The following DPP10 variants were observed in gnomAD, a reference collection of about 807,000 sequenced individuals.
The protein encoded by DPP10 is inactive dipeptidyl peptidase 10.
Under a neutral mutation model 120.9 loss-of-function variants are expected in DPP10, and 33 were observed. The observed-to-expected ratio is 0.27, with a 90% CI of 0.21 to 0.37. The LOEUF (loss-of-function observed/expected upper bound fraction) is 0.37. Ranked by LOEUF, DPP10 falls within the 10% of genes least tolerant of loss-of-function variation. The probability of loss-of-function intolerance (pLI) is 1.00; values close to 1 mark genes in which losing one functional copy is unlikely to be tolerated. For synonymous variants in DPP10, 337 were observed against 326.1 expected, an observed-to-expected ratio of 1.03 and a Z score of -0.36; for missense variants, 816 against 942.8, an observed-to-expected ratio of 0.87 and a Z score of 1.76.
At chr2:114,730,017 C>T (rs1159691607) in intron 1 of DPP10, among the ~76,000 whole-genome samples, 1 of 151,934 alleles carries the variant, frequency 6.6e-6, no homozygotes, top group Non-Finnish European at 1.5e-5. Context: ...TGCTGTGTGT[C>T]GTTCTATCAG....
intron 1 of DPP10, among the ~76,000 whole-genome samples, chr2:114,741,457 G>A (rs2105989004): frequency 6.6e-6 from 1 of 152,204 alleles, no homozygotes; most frequent in South Asian, 2.1e-4. Context: ...ATTCTTGGAG[G>A]AGAGTTCACT....
At chr2:114,598,366 A>G (rs980899292) in intron 1 of DPP10, among the ~76,000 whole-genome samples, 2 of 151,782 alleles carry the variant, frequency 1.3e-5, no homozygotes, top group African/African-American at 4.8e-5. Flanking sequence ...TTAGGTTGGG[A>G]AAGAGGATGG....
At chr2:114,525,721 GGAA>G (rs1350620708) in intron 1 of DPP10, among the ~76,000 whole-genome samples, 1 of 152,210 alleles carries the variant, frequency 6.6e-6, no homozygotes, top group African/African-American at 2.4e-5. Flanking sequence ...GTAAAATGAA[GGAA>G]GATGACTAAA....
chr2:114,631,026 T>C (rs1000017713), intron 1 of DPP10, among the ~76,000 whole-genome samples: 2 of 152,132 alleles, frequency 1.3e-5, no homozygotes, highest in Admixed American at 6.5e-5. Flanking sequence ...TTATTCTCAT[T>C]CAGGACAAAG....
chr2:114,695,341 G>A (rs574118902), intron 1 of DPP10, among the ~76,000 whole-genome samples: 5 of 152,184 alleles, frequency 3.3e-5, no homozygotes, highest in African/African-American at 1.2e-4. Context: ...CAAATGCCAT[G>A]CAGATCTAGA....
chr2:115,783,556 C>T (rs147229213), intron 17 of DPP10, among the ~76,000 whole-genome samples: 126 of 152,084 alleles, frequency 8.3e-4, no homozygotes, highest in Non-Finnish European at 1.5e-3. Context: ...AGTGCATGCC[C>T]GAGGCAACAA....
At chr2:115,272,439 C>A (rs1311562526) in intron 1 of DPP10, among the ~76,000 whole-genome samples, 1 of 152,030 alleles carries the variant, frequency 6.6e-6, no homozygotes, top group African/African-American at 2.4e-5. Flanking sequence ...ATAAATATAT[C>A]AAATATATTC....
At chr2:115,516,351 G>A (rs1165741240) in intron 4 of DPP10, among the ~76,000 whole-genome samples, 2 of 152,056 alleles carry the variant, frequency 1.3e-5, no homozygotes, top group Non-Finnish European at 2.9e-5. Flanking sequence ...CACCAGGGAT[G>A]TAAATCTAAA....
intron 5 of DPP10, among the ~76,000 whole-genome samples, chr2:115,662,862 A>G (rs1193556942): frequency 6.6e-6 from 1 of 152,236 alleles, no homozygotes; most frequent in Non-Finnish European, 1.5e-5. Flanking sequence ...TAATATATAT[A>G]GAAGTCAAGA....
intron 5 of DPP10, among the ~76,000 whole-genome samples, chr2:115,684,033 A>G (rs963875405): frequency 2.6e-5 from 4 of 151,924 alleles, no homozygotes; most frequent in Non-Finnish European, 5.9e-5. Flanking sequence ...TTAAGGTTAT[A>G]AATCTATCCA....
intron 19 of DPP10, among the ~76,000 whole-genome samples, chr2:115,796,060 G>A (rs554070903): frequency 2.6e-5 from 4 of 151,992 alleles, no homozygotes; most frequent in East Asian, 1.9e-4. Flanking sequence ...CTCACACTAC[G>A]TAACAGTCTT....
chr2:114,576,920 G>T (rs996358088), intron 1 of DPP10, among the ~76,000 whole-genome samples: 2 of 151,834 alleles, frequency 1.3e-5, no homozygotes, highest in African/African-American at 2.4e-5. Context: ...GATGAGTAAA[G>T]AAATTTCACT....
chr2:114,993,502 ACTATC>A (rs1218998907), intron 1 of DPP10, among the ~76,000 whole-genome samples: 2 of 149,278 alleles, frequency 1.3e-5, no homozygotes, highest in Non-Finnish European at 3.0e-5. Flanking sequence ...TAAACTGAAA[ACTATC>A]CTGTCCTTTT....
intron 1 of DPP10, among the ~76,000 whole-genome samples, chr2:115,139,965 T>C (rs1372572369): frequency 1.3e-5 from 2 of 152,084 alleles, no homozygotes; most frequent in Non-Finnish European, 2.9e-5. Flanking sequence ...GACAGACACA[T>C]GTTCATTCTC....
At chr2:115,645,276 T>C (rs1379373651) in intron 5 of DPP10, among the ~76,000 whole-genome samples, 1 of 152,194 alleles carries the variant, frequency 6.6e-6, no homozygotes, top group Non-Finnish European at 1.5e-5. Context: ...TTGTATCAGT[T>C]ACCAACATTG....
At position 115,497,949 on chromosome 2, in the gene DPP10, T is replaced by TA. The variant is rs35416398; in HGVS notation, c.272-1551dup. Among the ~76,000 whole-genome samples, 250 of 148,716 alleles carry TA rather than the reference T, an allele frequency of 1.7e-3. 1 individual carries two copies. The highest frequency in any genetic ancestry group is 0.014 in the Middle Eastern group (4 of 288). ...AAAGGAAAACAGATAAAGTTAATGA[T>TA]AAAAAAAAAAGAACCCAATTCCTTT... is the stretch of plus-strand genomic sequence containing the variant. On this transcript the variant is annotated intron_variant, in intron 3 of 25. Coordinates refer to ENST00000410059, the MANE Select transcript of DPP10 (RefSeq NM_020868.6).
At chr2:115,188,061 AAG>A (rs59672278) in intron 1 of DPP10, among the ~76,000 whole-genome samples, 203 of 146,626 alleles carry the variant, frequency 1.4e-3, no homozygotes, top group South Asian at 5.5e-3. Flanking sequence ...GAGAGAGGCA[AAG>A]AGAGAGAGAG....
At chr2:114,942,346 TATACATATATATATACATATATATAC>T (rs1697004444) in intron 1 of DPP10, among the ~76,000 whole-genome samples, 1 of 105,454 alleles carries the variant, frequency 9.5e-6, no homozygotes, top group African/African-American at 3.8e-5. Context: ...TATACGTATA[TATACATATATATATACATATATATAC>T]ACACACATAT....
chr2:115,669,840 A>G (rs1053683624), intron 5 of DPP10, among the ~76,000 whole-genome samples: 3 of 152,190 alleles, frequency 2.0e-5, no homozygotes, highest in Admixed American at 2.0e-4. Context: ...GATTCCTTCT[A>G]AACACATTGA....
Sources: gnomAD v4.1 joint callset for allele counts (sites outside exome capture counted in the v4.1 genomes callset) on GRCh38, gnomAD v4.1.1 for gene constraint, MANE v1.5 for transcripts, NCBI Gene and HGNC (gene_info 2026-07-23, HGNC 2026-07-21) for gene names.